The following LYRM4 variants were observed in gnomAD, a reference collection of about 807,000 sequenced individuals.
The protein encoded by LYRM4 is LYR motif-containing protein 4.
LYRM4 carries 9 observed loss-of-function variants against 11.7 expected under a neutral mutation model. The ratio of observed to expected loss-of-function variants is 0.77; its 90% CI spans 0.46 to 1.34. LYRM4 has a LOEUF of 1.34. Among genes scored for constraint, LYRM4 ranks in the 40% most tolerant of loss-of-function variants. The pLI, the probability that LYRM4 is intolerant of heterozygous loss-of-function variation, is 0.00. For synonymous variants in LYRM4, 42 were observed against 40.4 expected, an observed-to-expected ratio of 1.04 and a Z score of -0.15; for missense variants, 133 against 112.5, an observed-to-expected ratio of 1.18 and a Z score of -0.82.
intron 2 of LYRM4, among the ~76,000 whole-genome samples, chr6:5,113,796 GGCTTAAGTGA>G (rs1384942852): frequency 1.3e-5 from 2 of 151,668 alleles, no homozygotes; most frequent in Non-Finnish European, 2.9e-5. Flanking sequence ...TGAACTCCTG[GGCTTAAGTGA>G]TCCTCCTGCC....
At chr6:5,114,544 GGAGGT>G (rs1763034003) in intron 2 of LYRM4, among the ~76,000 whole-genome samples, 1 of 152,126 alleles carries the variant, frequency 6.6e-6, no homozygotes, top group Admixed American at 6.5e-5. Flanking sequence ...TATCACCTGG[GGAGGT>G]GCAATTAACA....
chr6:5,120,640 T>C (rs1763406566), intron 2 of LYRM4, among the ~76,000 whole-genome samples: 1 of 152,132 alleles, frequency 6.6e-6, no homozygotes, highest in African/African-American at 2.4e-5. Flanking sequence ...ATTGGTCCAG[T>C]TTACAGAGTG....
the LYRM4 span, among the ~76,000 whole-genome samples, chr6:5,045,649 C>T: frequency 6.6e-6 from 1 of 152,156 alleles, no homozygotes; most frequent in Admixed American, 6.5e-5. Context: ...CTCTTACTGG[C>T]TTGTTAAGAA....
chr6:5,108,817 T>C lies in LYRM4; in HGVS notation c.*606A>G, dbSNP rs1266021103. 4 of 985,986 alleles carry C rather than the reference T, an allele frequency of 4.1e-6. No individual in the cohort carries two copies. The East Asian group carries it at 3.4e-4, about 84-fold the overall frequency. The allele number at this position is 985,986 out of a possible 1,614,324, so 61.1% of individuals were successfully genotyped here. A position where few individuals can be genotyped will look rare whatever the true frequency, so the allele number is the denominator to read the frequency against. ...TGATCTGCAGTGCTCCATCTCTGGG[T>C]GTGTACCTACACACCCGTCACCTTT... On this transcript the variant is annotated 3_prime_UTR_variant, in exon 3 of 3. Transcript: ENST00000330636.
At chr6:5,140,622 G>A (rs75995699) in intron 2 of LYRM4, among the ~76,000 whole-genome samples, 2,611 of 152,248 alleles carry the variant, frequency 0.017, 26 homozygotes, top group Non-Finnish European at 0.025. Flanking sequence ...CCTGGAGTTG[G>A]GCTCGGGAAA....
intron 1 of LYRM4, among the ~76,000 whole-genome samples, chr6:5,236,822 T>C (rs1479567407): frequency 6.7e-6 from 1 of 150,364 alleles, no homozygotes; most frequent in Non-Finnish European, 1.5e-5. Context: ...CTGGGTGTGG[T>C]GCTGCATGCC....
At chr6:5,252,155 G>A (rs1436313526) in intron 1 of LYRM4, among the ~76,000 whole-genome samples, 3 of 152,166 alleles carry the variant, frequency 2.0e-5, no homozygotes, top group Non-Finnish European at 4.4e-5. Context: ...CACCTATAAG[G>A]AGGAACTGTG....
At chr6:5,253,430 T>C (rs1581606049) in intron 1 of LYRM4, among the ~76,000 whole-genome samples, 1 of 152,160 alleles carries the variant, frequency 6.6e-6, no homozygotes, top group East Asian at 1.9e-4. Context: ...ATTCTCAGTT[T>C]TTTTTTTTGC....
At chr6:5,133,386 C>T (rs1433433251) in intron 2 of LYRM4, among the ~76,000 whole-genome samples, 1 of 152,174 alleles carries the variant, frequency 6.6e-6, no homozygotes, top group Non-Finnish European at 1.5e-5. Context: ...AATACAGAAG[C>T]AAACTTGCAC....
the LYRM4 span, chr6:5,086,137 G>A: frequency 6.7e-7 from 1 of 1,492,054 alleles, no homozygotes; most frequent in Non-Finnish European, 8.9e-7. Flanking sequence ...GCGGCAGCGC[G>A]TGTGCCTGGA....
At chr6:5,050,864 T>C in the LYRM4 span, among the ~76,000 whole-genome samples, 1 of 152,204 alleles carries the variant, frequency 6.6e-6, no homozygotes, top group East Asian at 1.9e-4. Flanking sequence ...AAAGACTAGA[T>C]GGTAGACTTA....
At chr6:5,059,636 A>G in the LYRM4 span, among the ~76,000 whole-genome samples, 18 of 152,152 alleles carry the variant, frequency 1.2e-4, no homozygotes, top group Non-Finnish European at 2.2e-4. Flanking sequence ...ATGCTCTTCA[A>G]GTTCATTGAA....
intron 2 of LYRM4, among the ~76,000 whole-genome samples, chr6:5,154,689 C>CGTGG (rs1561835190): frequency 3.8e-4 from 58 of 152,150 alleles, no homozygotes; most frequent in African/African-American, 1.3e-3. Context: ...CGTGGTGTCA[C>CGTGG]GCGCCTGTAG....
chr6:5,090,038 A>ACC, the LYRM4 span, among the ~76,000 whole-genome samples: 4 of 140,974 alleles, frequency 2.8e-5, no homozygotes, highest in Non-Finnish European at 6.2e-5. This position sits in a 1 kb window ranked among gnomAD's most constrained non-coding sequence, Gnocchi z 4.8. Context: ...ACACACACAC[A>ACC]CACCACACAC....
rs142308517 is a variant in LYRM4, at chr6:5,242,265, G to A, written c.86+18383C>T. On this transcript the variant is annotated intron_variant, in intron 1 of 2. Transcript: ENST00000330636. Reference sequence around the variant, plus strand: ...TTTTTTGTATTTTTAGTAAAGATGGGGTTTCACTATGTTAGCCAGGATGGT... The same window carrying A: ...TTTTTTGTATTTTTAGTAAAGATGGAGTTTCACTATGTTAGCCAGGATGGT... Among the ~76,000 whole-genome samples the A allele has an allele frequency of 5.3e-4, 80 of 151,624 alleles. 5 individuals are homozygous for A. In the East Asian group the frequency reaches 0.016, roughly 30 times the overall value.
intron 2 of LYRM4, among the ~76,000 whole-genome samples, chr6:5,119,630 T>C (rs776443655): frequency 1.3e-5 from 2 of 151,278 alleles, no homozygotes; most frequent in Non-Finnish European, 3.0e-5. Flanking sequence ...CTACTAAAAA[T>C]ACAAAAAAAT....
intron 2 of LYRM4, among the ~76,000 whole-genome samples, chr6:5,207,252 T>C (rs2127712996): frequency 6.6e-6 from 1 of 152,258 alleles, no homozygotes; most frequent in South Asian, 2.1e-4. Context: ...CTGTCACATA[T>C]ACACAGGTGA....
intron 2 of LYRM4, among the ~76,000 whole-genome samples, chr6:5,154,627 G>A (rs1019460029): frequency 2.6e-5 from 4 of 152,086 alleles, no homozygotes; most frequent in African/African-American, 9.7e-5. Context: ...CCATCCTGAC[G>A]AACACTGTGA....
At chr6:5,211,790 G>T (rs1026813733) in intron 2 of LYRM4, among the ~76,000 whole-genome samples, 1 of 152,162 alleles carries the variant, frequency 6.6e-6, no homozygotes, top group African/African-American at 2.4e-5. Context: ...ATGTACTATA[G>T]TAACAATATA....
Sources: allele counts gnomAD v4.1 joint callset (sites outside exome capture counted in the v4.1 genomes callset), GRCh38; gene constraint gnomAD v4.1.1; non-coding constraint Gnocchi (gnomAD v3.1); transcripts MANE v1.5; gene names NCBI Gene and HGNC (gene_info 2026-07-23, HGNC 2026-07-21).